The following ADAMTS17 variants were observed in gnomAD, a reference collection of about 807,000 sequenced individuals.
ADAMTS17 encodes A disintegrin and metalloproteinase with thrombospondin motifs 17.
In ADAMTS17, 113 loss-of-function variants were observed where a neutral mutation model predicts 141.5. The observed-to-expected ratio is 0.80, with a 90% confidence interval of 0.69 to 0.93. ADAMTS17 has a LOEUF of 0.93. ADAMTS17 is among the 40% of genes least tolerant of loss of function. ADAMTS17 has a pLI of 0.00. For missense variants in ADAMTS17, 1,659 were observed against 1,517.9 expected, an observed-to-expected ratio of 1.09 and a Z score of -1.54; for synonymous variants, 768 against 630.6, an observed-to-expected ratio of 1.22 and a Z score of -3.27.
chr15:100,127,193 G>A (rs2037782423), intron 12 of ADAMTS17, among the ~76,000 whole-genome samples: 1 of 152,186 alleles, frequency 6.6e-6, no homozygotes, highest in African/African-American at 2.4e-5. Flanking sequence ...CTCGGAACCT[G>A]CAAATGAGAC....
chr15:99,997,721 G>T lies in ADAMTS17; in HGVS notation c.2592-132C>A. On this transcript the variant is annotated intron_variant, in intron 18 of 21. Transcript: ENST00000268070. This position sits in a 1 kb window ranked among gnomAD's most constrained non-coding sequence, Gnocchi z 4.7. ...GGAGGCAGACTCAGGAAGCTTTTCA[G>T]CCAACCCTGGACATAACTCAGAGTA... 9.1e-7 allele frequency: 1 copy of T among 1,096,408 alleles called. No individual in the cohort carries two copies. 67.9% of individuals were successfully genotyped at this position (1,096,408 alleles called of 1,614,324 possible).
At chr15:99,999,684 T>C (rs2060880292) in intron 18 of ADAMTS17, among the ~76,000 whole-genome samples, 1 of 152,102 alleles carries the variant, frequency 6.6e-6, no homozygotes, top group South Asian at 2.1e-4. Flanking sequence ...CTTTCGGCTC[T>C]GAGAGGACCA....
intron 4 of ADAMTS17, 58 bp from the exon 5 acceptor site, chr15:100,262,493 T>C (rs1028554857): frequency 2.0e-5 from 26 of 1,317,256 alleles, no homozygotes; most frequent in Non-Finnish European, 2.8e-5. Flanking sequence ...AAAAATACAG[T>C]AGTATCCTAG....
intron 8 of ADAMTS17, among the ~76,000 whole-genome samples, chr15:100,159,643 G>C (rs28657449): frequency 0.011 from 1,750 of 152,332 alleles, 31 homozygotes; most frequent in African/African-American, 0.035. Flanking sequence ...CCACCTCATG[G>C]TGTAACCATT....
intron 15 of ADAMTS17, among the ~76,000 whole-genome samples, chr15:100,055,821 C>A (rs1170437862): frequency 6.6e-6 from 1 of 152,192 alleles, no homozygotes; most frequent in Non-Finnish European, 1.5e-5. Context: ...TACTCTGACC[C>A]ATTTAATCTT....
chr15:100,054,406 C>G (rs1286893422), intron 15 of ADAMTS17, among the ~76,000 whole-genome samples: 4 of 152,140 alleles, frequency 2.6e-5, no homozygotes, highest in African/African-American at 7.2e-5. Flanking sequence ...CTAAACTTAT[C>G]CAGCAGATGG....
chr15:100,015,179 T>TAC (rs1292917220), intron 18 of ADAMTS17, among the ~76,000 whole-genome samples: 1 of 152,246 alleles, frequency 6.6e-6, no homozygotes, highest in Admixed American at 6.5e-5. Flanking sequence ...CGAGAATAGC[T>TAC]ACCCCTGCTC....
In ADAMTS17 at chr15:100,260,628, CCAAAAAA is replaced by C. The variant is rs1480775591; in HGVS notation, c.1031+844_1031+850del. ...AGACTCCATCTCAAAAAAAAAAAAACCAAAAAACAAAAAACAAAACAAAACAAAAAAC... is the reference window on the plus strand; with the variant it reads ...AGACTCCATCTCAAAAAAAAAAAAACCAAAAAACAAAACAAAACAAAAAAC... On this transcript the variant is annotated intron_variant, in intron 6 of 21. Coordinates refer to ENST00000268070, the MANE Select transcript of ADAMTS17 (RefSeq NM_139057.4). Among the ~76,000 whole-genome samples the C allele has an allele frequency of 1.0e-3, 138 of 138,646 alleles. 1 individual carries two copies. Among genetic ancestry groups the C allele is most frequent in the African/African-American group, 3.3e-3 (123 of 37,146 alleles). The allele number at this position is 138,646 out of a possible 152,430, so 91.0% of individuals were successfully genotyped here.
At chr15:100,173,370 C>T (rs1194109776) in intron 8 of ADAMTS17, among the ~76,000 whole-genome samples, 1 of 152,094 alleles carries the variant, frequency 6.6e-6, no homozygotes, top group Non-Finnish European at 1.5e-5. Context: ...AGAGAACAGT[C>T]GATTTACAAC....
chr15:100,324,024 CA>C (rs35999702), intron 3 of ADAMTS17, among the ~76,000 whole-genome samples: 13,253 of 133,042 alleles, frequency 0.1, 943 homozygotes, highest in Admixed American at 0.26. Context: ...TCCTTTCTCT[CA>C]AAAAAAAAAA....
intron 3 of ADAMTS17, among the ~76,000 whole-genome samples, chr15:100,325,848 C>T (rs1004444315): frequency 3.3e-5 from 5 of 152,288 alleles, no homozygotes; most frequent in South Asian, 2.1e-4. Context: ...CAACACAAAT[C>T]GACTAACACA....
rs573655219 is a variant in ADAMTS17 at position 100,026,419 on chromosome 15, A to G, written c.2591+22438T>C. Among the ~76,000 whole-genome samples the G allele has an allele frequency of 3.3e-5, 5 of 152,318 alleles. No individual in the cohort carries two copies. The South Asian group carries it at 1.0e-3, about 32-fold the overall frequency. ...GGAAGCTAAAGCAACTGCATCTTAA[A>G]TGGGAGGCTAAAGCAACTCCATCTT... On this transcript the variant is annotated intron_variant, in intron 18 of 21. Transcript: ENST00000268070.
At chr15:100,134,230 G>A (rs553782956) in intron 10 of ADAMTS17, among the ~76,000 whole-genome samples, 2 of 152,300 alleles carry the variant, frequency 1.3e-5, no homozygotes, top group African/African-American at 2.4e-5. Context: ...GGGGGGGATG[G>A]CCCCGCTGCC....
At chr15:99,984,890 C>T (rs1266789112) in intron 20 of ADAMTS17, among the ~76,000 whole-genome samples, 14 of 152,252 alleles carry the variant, frequency 9.2e-5, no homozygotes, top group Admixed American at 9.2e-4. Context: ...TGATCTCTCA[C>T]TCCCTGCAAA....
At chr15:100,245,392 G>A (rs565967945) in intron 7 of ADAMTS17, among the ~76,000 whole-genome samples, 2 of 152,234 alleles carry the variant, frequency 1.3e-5, no homozygotes, top group Non-Finnish European at 2.9e-5. Context: ...CCTGCAAGGG[G>A]AGCTGCTTTG....
intron 15 of ADAMTS17, among the ~76,000 whole-genome samples, chr15:100,077,461 CAAAA>C (rs61464362): frequency 0.25 from 34,332 of 139,328 alleles, 4,526 homozygotes; most frequent in East Asian, 0.56. Flanking sequence ...GACTCCCTCT[CAAAA>C]AAAAAAAAAA....
chr15:100,082,385 CT>C (rs11325623), intron 15 of ADAMTS17, among the ~76,000 whole-genome samples: 45,628 of 143,634 alleles, frequency 0.32, 9,046 homozygotes, highest in East Asian at 0.58. Flanking sequence ...TTTTGATAGT[CT>C]TTTTTTTTTT....
chr15:100,109,630 C>G (rs1359936185), intron 13 of ADAMTS17, among the ~76,000 whole-genome samples: 6 of 151,952 alleles, frequency 3.9e-5, no homozygotes, highest in Non-Finnish European at 7.4e-5. Flanking sequence ...TACGGAGATC[C>G]CAGAAGAAAC....
intron 19 of ADAMTS17, among the ~76,000 whole-genome samples, chr15:99,994,564 T>G (rs1002052682): frequency 6.6e-6 from 1 of 152,200 alleles, no homozygotes; most frequent in South Asian, 2.1e-4. Flanking sequence ...TCTAGCTTTC[T>G]CTTTTTTTAT....
Sources: allele counts gnomAD v4.1 joint callset (sites outside exome capture counted in the v4.1 genomes callset), GRCh38; gene constraint gnomAD v4.1.1; non-coding constraint Gnocchi (gnomAD v3.1); transcripts MANE v1.5; gene names NCBI Gene and HGNC (gene_info 2026-07-23, HGNC 2026-07-21).